The following OAS3 variants were observed in gnomAD, a reference collection of about 807,000 sequenced individuals.
OAS3 encodes 2'-5'-oligoadenylate synthetase 3, also known as 2'-5'-oligoadenylate synthase 3.
Under a neutral mutation model 113.0 loss-of-function variants are expected in OAS3, and 107 were observed. The ratio of observed to expected loss-of-function variants is 0.95; its 90% CI spans 0.81 to 1.11. The LOEUF is 1.11. Among genes scored for constraint, OAS3 ranks in the 50% most tolerant of loss-of-function variants. The pLI, the probability that OAS3 is intolerant of heterozygous loss-of-function variation, is 0.00. For missense variants in OAS3, 1,258 were observed against 1,389.1 expected, an observed-to-expected ratio of 0.91 and a Z score of 1.50; for synonymous variants, 552 against 573.6, an observed-to-expected ratio of 0.96 and a Z score of 0.54.
intron 2 of OAS3, among the ~76,000 whole-genome samples, chr12:112,942,809 GTTATTATTA>G (rs150839864): frequency 6.8e-6 from 1 of 147,284 alleles, no homozygotes; most frequent in African/African-American, 2.5e-5. Flanking sequence ...TATTATTATT[GTTATTATTA>G]TTATTATTAT....
chr12:112,955,884 T>A (rs1424138601), intron 7 of OAS3, among the ~76,000 whole-genome samples: 1 of 152,242 alleles, frequency 6.6e-6, no homozygotes, highest in African/African-American at 2.4e-5. Context: ...TCTTTTTCTA[T>A]TGATTGGAAA....
At chr12:112,964,067 A>G (rs1228560169) in intron 10 of OAS3, among the ~76,000 whole-genome samples, 168 bp from the exon 11 acceptor site, 1 of 152,226 alleles carries the variant, frequency 6.6e-6, no homozygotes, top group Admixed American at 6.5e-5. Flanking sequence ...ACCAAAATTC[A>G]ATCTCAGGTC....
Position 112,969,820 on chromosome 12 carries a change from G to A in OAS3, c.3252+65G>A, listed in dbSNP as rs148670117. The A allele has an allele frequency of 1.7e-3, 2,646 of 1,598,286 alleles. 26 individuals carry two copies. Among genetic ancestry groups the A allele is most frequent in the Middle Eastern group, 5.6e-3 (26 of 4,610 alleles). ...GTAAGGGGGGAGCATGGTCAGGGGA[G>A]GGACATGATTCCCACTAAAGGGGCA... On this transcript the variant is annotated intron_variant, in intron 15 of 15. Transcript: ENST00000228928.
Position 112,938,580 on chromosome 12 carries a change from G to A in OAS3, c.50G>A (p.Arg17Lys), listed in dbSNP as rs531947012. The A allele has an allele frequency of 8.1e-6, 13 of 1,610,650 alleles. No individual in the cohort carries two copies. The Admixed American group carries it at 8.4e-5, about 10-fold the overall frequency. ...PAAALDRFVA[R>K]RLQPRKEFVE... ...GCTGCGCTGGACAGGTTCGTGGCCA[G>A]AAGGCTGCAGCCGCGGAAGGAGTTC... Residue 17 changes from arginine to lysine, a missense_variant, in exon 1 of 16, where the codon AGA (arginine) becomes AAA (lysine). Arg to Lys is a conservative substitution (Grantham distance 26). Transcript: ENST00000228928.
chr12:112,943,557 C>T (rs1413825791), intron 2 of OAS3, among the ~76,000 whole-genome samples: 2 of 152,160 alleles, frequency 1.3e-5, no homozygotes, highest in African/African-American at 4.8e-5. Context: ...CTGCCTCCAT[C>T]GCATGCTGGC....
rs564712290 is a variant in OAS3 at position 112,954,270 on chromosome 12, C to G, written c.1657+3295C>G. Among the ~76,000 whole-genome samples, 1 of 150,654 alleles carries G rather than the reference C, an allele frequency of 6.6e-6. No individual in the cohort carries two copies. Among genetic ancestry groups the G allele is most frequent in the African/African-American group, 2.4e-5 (1 of 41,014 alleles). Reference sequence around the variant, plus strand: ...AATCCTTTCCCCATTTCTTGTTTGTCTGTTTGTTTGTTTGTTGTTGTTGTT... The same window carrying G: ...AATCCTTTCCCCATTTCTTGTTTGTGTGTTTGTTTGTTTGTTGTTGTTGTT... On this transcript the variant is annotated intron_variant, in intron 7 of 15. Transcript: ENST00000228928. The surrounding 1 kb of genome is among the most constrained non-coding windows in gnomAD (Gnocchi z 4.0).
At chr12:112,941,930 A>G (rs2043684576) in intron 2 of OAS3, 78 bp downstream of exon 2, 1 of 1,587,348 alleles carries the variant, frequency 6.3e-7, no homozygotes, top group African/African-American at 1.3e-5. Context: ...ATTCTAGCCC[A>G]GCCACCAACT....
intron 14 of OAS3, chr12:112,969,333 G>A (rs918750837): frequency 1.4e-5 from 7 of 491,930 alleles, no homozygotes; most frequent in South Asian, 9.4e-5. Flanking sequence ...CCAGTGTTGT[G>A]ATTGATTAAC....
At position 112,946,001 on chromosome 12, in the gene OAS3, T is replaced by A. The variant is rs898837657; in HGVS notation, c.637-742T>A. ...AGTAAGACTCTGTCTATAAATTAAT[T>A]AATTAATTAATACAACTATGGAGCC... On this transcript the variant is annotated intron_variant, in intron 3 of 15. Coordinates refer to ENST00000228928, the MANE Select transcript of OAS3 (RefSeq NM_006187.4). 5.9e-5 allele frequency among the ~76,000 whole-genome samples: 9 copies of A among 152,004 alleles called. No individual in the cohort carries two copies. The East Asian group carries it at 9.7e-4, about 16-fold the overall frequency.
At chr12:112,943,039 A>C (rs950009910) in intron 2 of OAS3, among the ~76,000 whole-genome samples, 1 of 151,710 alleles carries the variant, frequency 6.6e-6, no homozygotes, top group Non-Finnish European at 1.5e-5. Flanking sequence ...GGGTTCAAGC[A>C]ATCCTCCCAC....
intron 2 of OAS3, among the ~76,000 whole-genome samples, chr12:112,943,245 T>C (rs894263285): frequency 6.6e-6 from 1 of 152,142 alleles, no homozygotes; most frequent in African/African-American, 2.4e-5. Flanking sequence ...TGGGTACACA[T>C]ATATTAATCA....
chr12:112,947,887 C>T (rs918532013), intron 4 of OAS3, 59 bp from the exon 5 acceptor site: 50 of 1,450,034 alleles, frequency 3.4e-5, no homozygotes, highest in South Asian at 2.6e-4. Context: ...GGAACCAGGT[C>T]CGTTTCACTC....
Position 112,950,797 on chromosome 12 carries a change from C to T in OAS3, c.1479C>T (p.Arg493=), listed in dbSNP as rs780870030. The change falls in exon 7 of 16, where the codon CGC becomes CGT. Residue 493 remains arginine (R), a synonymous_variant. Transcript: ENST00000228928. ...FTDYKDQGPR[R]AEILDEMRAQ... is the part of the protein sequence containing the mutation. ...ACTACAAGGACCAGGGGCCCCGCCG[C>T]GCAGAGATCCTTGATGAGATGCGAG... 9.9e-6 allele frequency: 16 copies of T among 1,613,894 alleles called. No individual in the cohort carries two copies. Among genetic ancestry groups the T allele is most frequent in the Admixed American group, 1.7e-5 (1 of 60,004 alleles).
chr12:112,957,025 A>G (rs2043841249), intron 7 of OAS3, among the ~76,000 whole-genome samples: 1 of 152,166 alleles, frequency 6.6e-6, no homozygotes, highest in Non-Finnish European at 1.5e-5. Context: ...GTGTTCCTGT[A>G]TTGGGCGCAT....
intron 7 of OAS3, among the ~76,000 whole-genome samples, chr12:112,953,387 T>C (rs951784531): frequency 1.3e-5 from 2 of 152,242 alleles, no homozygotes; most frequent in Non-Finnish European, 2.9e-5. Context: ...CAGTCTGTCA[T>C]TGATGGACAT....
At position 112,967,937 on chromosome 12, in the gene OAS3, G is replaced by C. The variant is rs2043950515; in HGVS notation, c.2867G>C (p.Cys956Ser). Residue 956 changes from cysteine to serine, a missense_variant and splice_region_variant, in exon 14 of 16, where the codon TGT becomes TCT. Transcript: ENST00000228928. The stretch of plus-strand genomic sequence containing the variant: ...CATATCTTTCTTCTCGTTCTCCAGT[G>C]TACCAAGATCTCCAAGGGGAGAGGC... The part of the protein sequence containing the change: ...IRLVKHWYQQ[C>S]TKISKGRGSL... 6.2e-7 allele frequency: 1 copy of C among 1,613,292 alleles called. No individual in the cohort carries two copies. Among genetic ancestry groups the C allele is most frequent in the Non-Finnish European group, 8.5e-7 (1 of 1,179,456 alleles).
rs2043974078 is a variant in OAS3, at chr12:112,970,368, T to C, written c.*395T>C. The stretch of plus-strand genomic sequence containing the variant: ...TTTCCTCCTGCTGCAATCCATCCCT[T>C]CCTCCCATTGGCCTCTCCTTGCCAA... On this transcript the variant is annotated 3_prime_UTR_variant, in exon 16 of 16. Transcript: ENST00000228928. 1 of 270,586 alleles carries C rather than the reference T, an allele frequency of 3.7e-6. No individual in the cohort carries two copies. Among genetic ancestry groups the C allele is most frequent in the East Asian group, 8.7e-5 (1 of 11,552 alleles). 16.8% of individuals were successfully genotyped at this position (270,586 alleles called of 1,614,324 possible).
At chr12:112,940,492 G>C (rs1182833326) in intron 1 of OAS3, among the ~76,000 whole-genome samples, 1 of 152,214 alleles carries the variant, frequency 6.6e-6, no homozygotes, top group Non-Finnish European at 1.5e-5. Flanking sequence ...CCCAGACACA[G>C]AACAGTGGCT....
chr12:112,969,786 C>A, intron 15 of OAS3, 31 bp downstream of exon 15: 3 of 1,609,164 alleles, frequency 1.9e-6, no homozygotes, highest in Non-Finnish European at 2.5e-6. Flanking sequence ...AAGGAAGTAC[C>A]CTTTAGGGGT....
Sources: allele counts gnomAD v4.1 joint callset (sites outside exome capture counted in the v4.1 genomes callset), GRCh38; gene constraint gnomAD v4.1.1; non-coding constraint Gnocchi (gnomAD v3.1); transcripts MANE v1.5; gene names NCBI Gene and HGNC (gene_info 2026-07-23, HGNC 2026-07-21).